Variants in INHBC observed in about 807,000 individuals in gnomAD.
INHBC encodes inhibin beta C chain.
In INHBC, 10 loss-of-function variants were observed where a neutral mutation model predicts 12.4. The observed-to-expected ratio is 0.81, with a 90% CI of 0.50 to 1.37. The LOEUF (loss-of-function observed/expected upper bound fraction) is 1.37, where lower values mean the gene tolerates loss of function less well. INHBC is among the 40% of genes most tolerant of loss of function. INHBC has a pLI of 0.00. For synonymous variants in INHBC, 147 were observed against 171.6 expected (o/e 0.86, Z 1.12); for missense variants, 382 against 439.4 (o/e 0.87, Z 1.17).
chr12:57,435,020 A>G lies in INHBC; in HGVS notation c.134A>G (p.Asp45Gly), dbSNP rs1870300570. The G allele has an allele frequency of 1.2e-6, 2 of 1,614,044 alleles. No individual in the cohort carries two copies. The highest frequency in any genetic ancestry group is 1.7e-6 in the Non-Finnish European group (2 of 1,180,056). ...GAGAGCCAGCGGGAGCTGCTTCTTG[A>G]TCTGGCCAAGAGAAGCATCTTGGAC... ...ELESQRELLL[D>G]LAKRSILDKL... is the part of the protein sequence containing the mutation. Residue 45 changes from aspartate (D) to glycine (G), a missense_variant, in exon 1 of 2, where the codon GAT becomes GGT. Physicochemically the swap from Asp to Gly is moderately conservative, Grantham distance 94. Transcript: ENST00000309668.
chr12:57,449,234 A>G, intron 1 of INHBC, 43 bp from the exon 2 acceptor site: 1 of 1,565,180 alleles, frequency 6.4e-7, no homozygotes, highest in Non-Finnish European at 8.6e-7. Context: ...GGTAGAACTG[A>G]CAGTCAGAAG....
intron 1 of INHBC, among the ~76,000 whole-genome samples, chr12:57,444,219 A>G (rs1046400528): frequency 1.3e-5 from 2 of 151,950 alleles, no homozygotes; most frequent in Non-Finnish European, 2.9e-5. Context: ...AAAGAGGGGT[A>G]GGAGAAATAC....
chr12:57,449,258 G>T lies in INHBC; in HGVS notation c.314-19G>T. On this transcript the variant is annotated intron_variant, in intron 1 of 1. Coordinates refer to ENST00000309668, the MANE Select transcript of INHBC (RefSeq NM_005538.4). The stretch of plus-strand genomic sequence containing the variant: ...GACAGTCAGAAGGCCGCAATGACTG[G>T]GGCTTCTTATGTCCACAGGCCTCTC... 6.3e-7 allele frequency: 1 copy of T among 1,594,542 alleles called. No homozygotes were observed.
chr12:57,444,941 C>T (rs1870544032), intron 1 of INHBC, among the ~76,000 whole-genome samples: 1 of 152,196 alleles, frequency 6.6e-6, no homozygotes, highest in South Asian at 2.1e-4. Context: ...CTTGACCTCC[C>T]ATAGTGCTGC....
At chr12:57,444,436 G>T in intron 1 of INHBC, among the ~76,000 whole-genome samples, 1 of 151,776 alleles carries the variant, frequency 6.6e-6, no homozygotes, top group East Asian at 2.0e-4. Context: ...AGCTACTCAG[G>T]AGGCTGAGGC....
chr12:57,445,124 A>G (rs1006293638), intron 1 of INHBC, among the ~76,000 whole-genome samples: 4 of 152,220 alleles, frequency 2.6e-5, no homozygotes, highest in South Asian at 2.1e-4. Flanking sequence ...TGTAAAGGCT[A>G]TGAGATAGCT....
At chr12:57,442,448 C>T (rs904480559) in intron 1 of INHBC, among the ~76,000 whole-genome samples, 39 of 152,098 alleles carry the variant, frequency 2.6e-4, no homozygotes, top group Non-Finnish European at 5.9e-5. Context: ...TGTGACCTAG[C>T]AAGGAAAAGA....
Position 57,450,048 on chromosome 12 carries a change from G to C in INHBC, c.*26G>C, listed in dbSNP as rs1266350083. 3 of 1,482,444 alleles carry C rather than the reference G, an allele frequency of 2.0e-6. No homozygotes were observed. The highest frequency in any genetic ancestry group is 2.7e-6 in the Non-Finnish European group (3 of 1,121,002). The allele number at this position is 1,482,444 out of a possible 1,614,324, so 91.8% of individuals were successfully genotyped here. On this transcript the variant is annotated 3_prime_UTR_variant, in exon 2 of 2. Transcript: ENST00000309668. ...TCTATGTGTGGTATGGGCAGCCCAA[G>C]GTTGCATGGGAAAACACGCCCCTAC...
intron 1 of INHBC, 148 bp from the exon 2 acceptor site, chr12:57,449,129 A>G (rs1870648825): frequency 9.2e-7 from 1 of 1,086,576 alleles, no homozygotes; most frequent in East Asian, 2.4e-5. Flanking sequence ...TGGAGGTCCA[A>G]TTTCCAGCAC....
intron 1 of INHBC, among the ~76,000 whole-genome samples, chr12:57,442,668 T>G (rs1339765433): frequency 6.6e-6 from 1 of 151,652 alleles, no homozygotes; most frequent in Non-Finnish European, 1.5e-5. Flanking sequence ...ATGAAAGAGA[T>G]CTTATTGGCT....
In INHBC at chr12:57,440,960, C is replaced by A. The variant is rs369325648; in HGVS notation, c.313+5761C>A. Among the ~76,000 whole-genome samples, 161 of 152,320 alleles carry A rather than the reference C, an allele frequency of 1.1e-3. 6 individuals carry two copies. The South Asian group carries it at 0.032, about 30-fold the overall frequency. On this transcript the variant is annotated intron_variant, in intron 1 of 1. Transcript: ENST00000309668. ...CAGTGGCTCATGCTTGTAATCCCAA[C>A]ACTTTGGGAGGCCAGGGTGGGAGGA...
In INHBC at chr12:57,435,852, T is replaced by A. The variant is rs1257635425; in HGVS notation, c.313+653T>A. ...CTGAGCAACATAGCAAGACCCTTTT[T>A]TTTTTTTTTCCTGAGACGGAGTCTT... On this transcript the variant is annotated intron_variant, in intron 1 of 1. Coordinates refer to ENST00000309668, the MANE Select transcript of INHBC (RefSeq NM_005538.4). Among the ~76,000 whole-genome samples the A allele has an allele frequency of 7.9e-5, 12 of 151,912 alleles. No homozygotes were observed. In the East Asian group the frequency reaches 2.3e-3, roughly 29 times the overall value.
Position 57,437,043 on chromosome 12 carries a change from C to T in INHBC, c.313+1844C>T, listed in dbSNP as rs117684966. On this transcript the variant is annotated intron_variant, in intron 1 of 1. Coordinates refer to ENST00000309668, the MANE Select transcript of INHBC (RefSeq NM_005538.4). Reference sequence around the variant, plus strand: ...AACTTTTGGGCTCAAGCAATCCACTCGCCTCGGCCTTGCAAAATGCTAAGA... The same window carrying T: ...AACTTTTGGGCTCAAGCAATCCACTTGCCTCGGCCTTGCAAAATGCTAAGA... 6.9e-3 allele frequency among the ~76,000 whole-genome samples: 1,046 copies of T among 152,214 alleles called. 61 individuals are homozygous for T. In the East Asian group the frequency reaches 0.14, roughly 20 times the overall value.
rs755664698 is a variant in INHBC at position 57,451,373 on chromosome 12, A to G, written c.*1351A>G. ...TTCACCCACCCCCAGTGCTCCACCC[A>G]GGAGTCCTGCCTGGAAGCTGGAATG... On this transcript the variant is annotated 3_prime_UTR_variant, in exon 2 of 2. Coordinates refer to ENST00000309668, the MANE Select transcript of INHBC (RefSeq NM_005538.4). 2.6e-5 allele frequency among the ~76,000 whole-genome samples: 4 copies of G among 152,204 alleles called. No homozygotes were observed. The highest frequency in any genetic ancestry group is 4.8e-5 in the African/African-American group (2 of 41,468).
At chr12:57,447,999 C>T (rs1394815440) in intron 1 of INHBC, among the ~76,000 whole-genome samples, 1 of 140,908 alleles carries the variant, frequency 7.1e-6, no homozygotes, top group Admixed American at 7.5e-5. Context: ...CATGCATACA[C>T]ACATATGTAT....
intron 1 of INHBC, among the ~76,000 whole-genome samples, chr12:57,441,936 C>A (rs1294294884): frequency 6.6e-6 from 1 of 152,146 alleles, no homozygotes; most frequent in Non-Finnish European, 1.5e-5. Context: ...CCACCTCAGC[C>A]TCCCAAAGTG....
intron 1 of INHBC, among the ~76,000 whole-genome samples, chr12:57,435,934 C>T (rs1249115553): frequency 6.6e-6 from 1 of 151,760 alleles, no homozygotes; most frequent in Admixed American, 6.6e-5. Context: ...GCAACCTCCA[C>T]CTCCTGAGTT....
intron 1 of INHBC, among the ~76,000 whole-genome samples, chr12:57,447,242 T>C (rs905153039): frequency 2.0e-5 from 3 of 152,028 alleles, no homozygotes; most frequent in African/African-American, 7.2e-5. Flanking sequence ...TGGAGTGCAA[T>C]GGTGTGGTCT....
At chr12:57,448,286 C>T (rs1870632855) in intron 1 of INHBC, among the ~76,000 whole-genome samples, 1 of 151,808 alleles carries the variant, frequency 6.6e-6, no homozygotes, top group African/African-American at 2.4e-5. Flanking sequence ...AATTGTGTTG[C>T]TTGGCTGGGC....
Sources: allele counts gnomAD v4.1 joint callset (sites outside exome capture counted in the v4.1 genomes callset), GRCh38; gene constraint gnomAD v4.1.1; transcripts MANE v1.5; gene names NCBI Gene and HGNC (gene_info 2026-07-23, HGNC 2026-07-21).